Variants in ANKUB1 observed in about 807,000 individuals in gnomAD.
ANKUB1 encodes the protein protein ANKUB1.
In ANKUB1, 42 loss-of-function variants were observed where a neutral mutation model predicts 49.3. The observed-to-expected ratio is 0.85, with a 90% CI of 0.67 to 1.10. The LOEUF is 1.10. Ranked by LOEUF, ANKUB1 falls within the 50% of genes least tolerant of loss-of-function variation. ANKUB1 has a pLI of 0.00. For synonymous variants in ANKUB1, 222 were observed against 231.0 expected (o/e 0.96, Z 0.35); for missense variants, 613 against 642.0 (o/e 0.95, Z 0.49).
intron 2 of ANKUB1, 26 bp from the exon 3 acceptor site, chr3:149,780,481 T>A (rs1717813295): frequency 6.5e-7 from 1 of 1,528,644 alleles, no homozygotes; most frequent in East Asian, 2.5e-5. Flanking sequence ...AGGAGGGAAC[T>A]TATTGTCTGG....
Position 149,777,235 on chromosome 3 carries a change from A to AG in ANKUB1, c.451+3003dup, listed in dbSNP as rs532387769. Among the ~76,000 whole-genome samples, 118 of 152,212 alleles carry AG rather than the reference A, an allele frequency of 7.8e-4. 1 individual carries two copies. The South Asian group carries it at 0.023, about 30-fold the overall frequency. ...ACGCCTGTAATCCCAGCACTTTGGG[A>AG]GGCCAAGGCGGGCAGATCAGAAGAT... On this transcript the variant is annotated intron_variant, in intron 3 of 5. Coordinates refer to ENST00000446160, the MANE Select transcript of ANKUB1 (RefSeq NM_001144960.3).
chr3:149,767,834 A>T lies in ANKUB1; in HGVS notation c.828T>A (p.Thr276=), dbSNP rs1344749039. 2.6e-6 allele frequency: 4 copies of T among 1,551,584 alleles called. No individual in the cohort carries two copies. The highest frequency in any genetic ancestry group is 2.6e-6 in the Non-Finnish European group (3 of 1,146,994). The change falls in exon 5 of 6, where the codon ACT becomes ACA. Residue 276 remains threonine (T), a synonymous_variant. Transcript: ENST00000446160. The part of the protein sequence containing the change: ...CLECKNAAGQ[T]PLTIVFKHKH... ...TGTGTTTGAACACAATGGTCAGGGG[A>T]GTTTGTCCTGCTGCATTTTTGCATT...
chr3:149,764,962 T>C (rs933087774), intron 5 of ANKUB1, among the ~76,000 whole-genome samples: 1 of 152,112 alleles, frequency 6.6e-6, no homozygotes, highest in African/African-American at 2.4e-5. Context: ...TTCTATTCCT[T>C]GGTATAGAGT....
rs899412704 is a variant in ANKUB1 at position 149,785,040 on chromosome 3, A to G, written c.235-4585T>C. 2.6e-5 allele frequency among the ~76,000 whole-genome samples: 4 copies of G among 152,178 alleles called. No homozygotes were observed. The South Asian group carries it at 8.3e-4, about 31-fold the overall frequency. Reference sequence around the variant, plus strand: ...GGTTAAAATGAAGGGGGCAAAAGTGATAGTGCCTCTGCATGTTGTACAAAA... The same window carrying G: ...GGTTAAAATGAAGGGGGCAAAAGTGGTAGTGCCTCTGCATGTTGTACAAAA... On this transcript the variant is annotated intron_variant, in intron 2 of 5. Transcript: ENST00000446160.
chr3:149,764,105 G>C, intron 5 of ANKUB1: 1 of 447,554 alleles, frequency 2.2e-6, no homozygotes, highest in South Asian at 1.6e-5. Flanking sequence ...CTTGGTGATG[G>C]TGCATGTAGC....
At chr3:149,779,525 A>C (rs912335824) in intron 3 of ANKUB1, 9 of 152,288 alleles carry the variant, frequency 5.9e-5, no homozygotes, top group African/African-American at 1.2e-4. Context: ...ACAGATAAAC[A>C]CTATTCCACT....
chr3:149,777,427 G>C (rs562062134), intron 3 of ANKUB1, among the ~76,000 whole-genome samples: 2 of 152,078 alleles, frequency 1.3e-5, no homozygotes, highest in South Asian at 4.1e-4. Flanking sequence ...AGCTGAGGTC[G>C]TGCCACTGCA....
intron 5 of ANKUB1, among the ~76,000 whole-genome samples, chr3:149,765,044 C>T (rs1195401140): frequency 1.3e-5 from 2 of 151,774 alleles, no homozygotes; most frequent in Non-Finnish European, 2.9e-5. Context: ...TTCAAAGTAG[C>T]CCCTAAATTA....
Position 149,770,574 on chromosome 3 carries a change from T to C in ANKUB1, c.552A>G (p.Glu184=), listed in dbSNP as rs1323727107. 6.5e-7 allele frequency: 1 copy of C among 1,546,320 alleles called. No homozygotes were observed. Among genetic ancestry groups the C allele is most frequent in the Non-Finnish European group, 8.7e-7 (1 of 1,144,230 alleles). ...ATTTCTCATACTTGAGTACTGGTCC[T>C]TCTTTTGATAAGTAGCGTTGGACTT... ...KLKVQRYLSK[E]GPVLKYQKRV... Residue 184 remains glutamate (E), a synonymous_variant, in exon 4 of 6, where the codon GAA becomes GAG. Transcript: ENST00000446160.
chr3:149,790,913 G>A lies in ANKUB1; in HGVS notation c.102C>T (p.His34=). The stretch of plus-strand genomic sequence containing the variant: ...CTTGTTTGTCTTCAGAGAGAGGAAT[G>A]TGGAAATAATCCTTAAAAATCAATA... ...VVKLMIKDYF[H]IPLSEDKQGR... Residue 34 remains histidine (H), a synonymous_variant, in exon 2 of 6, where the codon CAC becomes CAT. Transcript: ENST00000446160. The A allele has an allele frequency of 6.4e-7, 1 of 1,551,488 alleles. No homozygotes were observed. The highest frequency in any genetic ancestry group is 8.7e-7 in the Non-Finnish European group (1 of 1,146,874).
chr3:149,787,237 CTT>C (rs1253385292), intron 2 of ANKUB1, among the ~76,000 whole-genome samples: 1 of 152,154 alleles, frequency 6.6e-6, no homozygotes, highest in Admixed American at 6.5e-5. Context: ...TTTGTGTCCT[CTT>C]TTATTTCGTT....
chr3:149,779,540 C>T (rs1717758418), intron 3 of ANKUB1: 1 of 152,116 alleles, frequency 6.6e-6, no homozygotes, highest in Non-Finnish European at 1.5e-5. Flanking sequence ...TCCACTAATG[C>T]AGATTTTCAG....
At chr3:149,792,216 T>A in intron 1 of ANKUB1, 61 bp downstream of exon 1, 1 of 1,222,400 alleles carries the variant, frequency 8.2e-7, no homozygotes, top group Middle Eastern at 2.0e-4. Flanking sequence ...TGTACATTTT[T>A]AAATGCACTG....
chr3:149,784,885 C>T (rs1157018509), intron 2 of ANKUB1, among the ~76,000 whole-genome samples: 1 of 152,194 alleles, frequency 6.6e-6, no homozygotes, highest in African/African-American at 2.4e-5. Flanking sequence ...CTTTACCTCT[C>T]AAACCTTTAT....
intron 2 of ANKUB1, among the ~76,000 whole-genome samples, chr3:149,789,209 A>C (rs1473718794): frequency 6.6e-6 from 1 of 152,240 alleles, no homozygotes; most frequent in South Asian, 2.1e-4. Flanking sequence ...AAAGTATCCT[A>C]TCCATACTGT....
rs776909058 is a variant in ANKUB1 at position 149,768,012 on chromosome 3, C to T, written c.650G>A (p.Arg217Gln). The T allele has an allele frequency of 3.1e-5, 47 of 1,496,322 alleles. 2 individuals carry two copies. Among genetic ancestry groups the T allele is most frequent in the Admixed American group, 2.2e-4 (10 of 45,214 alleles). The allele number at this position is 1,496,322 out of a possible 1,614,324, so 92.7% of individuals were successfully genotyped here. A position where few individuals can be genotyped will look rare whatever the true frequency, so the allele number is the denominator to read the frequency against. Residue 217 changes from arginine to glutamine, a missense_variant, in exon 5 of 6, where the codon CGG becomes CAG. By Grantham distance (43) the Arg-to-Gln change is conservative (BLOSUM62 1). Transcript: ENST00000446160. The stretch of plus-strand genomic sequence containing the variant: ...GTGAACACCGACTGCCTCGTGGGGC[C>T]GCGCACCCTGCTTCAGGGCCCATTC... ...LTEWALKQGARPHEAVGVHPY... is the reference protein window; with the variant it reads ...LTEWALKQGAQPHEAVGVHPY...
rs1406563383 is a variant in ANKUB1, at chr3:149,761,533, G to A, written c.1586C>T (p.Thr529Ile). The change falls in exon 6 of 6, where the codon ACC becomes ATC. Residue 529 changes from threonine (T) to isoleucine (I), a missense_variant. By Grantham distance (89) the Thr-to-Ile change is moderately conservative (BLOSUM62 -1). Coordinates refer to ENST00000446160, the MANE Select transcript of ANKUB1 (RefSeq NM_001144960.3). ...TTCACACGCTGTCAGACCTCCTCGG[G>A]TAGTCAAGTTAGAAATGCTCTTTTT... ...LAKKSISNLT[T>I]RGGLTACENS... The A allele has an allele frequency of 1.3e-6, 2 of 1,551,394 alleles. No individual in the cohort carries two copies.
chr3:149,768,682 C>T (rs1486401601), intron 4 of ANKUB1, among the ~76,000 whole-genome samples: 1 of 152,170 alleles, frequency 6.6e-6, no homozygotes, highest in African/African-American at 2.4e-5. Context: ...GTTGGGATTA[C>T]AGGTGCGAGC....
chr3:149,791,852 G>A (rs1404585645), intron 1 of ANKUB1, among the ~76,000 whole-genome samples: 1 of 152,168 alleles, frequency 6.6e-6, no homozygotes, highest in Non-Finnish European at 1.5e-5. Context: ...GTTCTCTAAA[G>A]TCCTCTCTGC....
Sources: gnomAD v4.1 joint callset for allele counts (sites outside exome capture counted in the v4.1 genomes callset) on GRCh38, gnomAD v4.1.1 for gene constraint, MANE v1.5 for transcripts, NCBI Gene and HGNC (gene_info 2026-07-23, HGNC 2026-07-21) for gene names.